The following STAU2 variants were observed in gnomAD, a reference collection of about 807,000 sequenced individuals.
STAU2 encodes the protein staufen double-stranded RNA binding protein 2.
STAU2 carries 20 observed loss-of-function variants against 65.9 expected under a neutral mutation model. That is an observed-to-expected ratio of 0.30 (90% CI 0.21 to 0.44). The LOEUF is 0.44. Among genes scored for constraint, STAU2 ranks in the 20% least tolerant of loss-of-function variants. The probability of loss-of-function intolerance (pLI) is 1.00; values close to 1 mark genes in which losing one functional copy is unlikely to be tolerated. For missense variants in STAU2, 558 were observed against 683.9 expected, an observed-to-expected ratio of 0.82 and a Z score of 2.05; for synonymous variants, 232 against 233.9, an observed-to-expected ratio of 0.99 and a Z score of 0.07.
At chr8:73,513,770 CATA>C (rs1350636448) in intron 13 of STAU2, among the ~76,000 whole-genome samples, 1 of 152,102 alleles carries the variant, frequency 6.6e-6, no homozygotes, top group East Asian at 1.9e-4. Flanking sequence ...TACTGTTACT[CATA>C]ATGTTGGTGG....
chr8:73,675,898 G>A (rs141804436), intron 5 of STAU2, among the ~76,000 whole-genome samples: 5 of 152,242 alleles, frequency 3.3e-5, no homozygotes, highest in South Asian at 2.1e-4. Flanking sequence ...AACGGTGTCC[G>A]TGTCCTTAAG....
chr8:73,603,922 C>A (rs1218358520), intron 9 of STAU2, 59 bp from the exon 10 acceptor site: 31 of 1,520,322 alleles, frequency 2.0e-5, no homozygotes, highest in Non-Finnish European at 2.6e-5. Flanking sequence ...TTATTGAATC[C>A]TTAAAGAAAC....
intron 13 of STAU2, among the ~76,000 whole-genome samples, chr8:73,468,912 C>A (rs1444573870): frequency 2.0e-5 from 3 of 151,240 alleles, no homozygotes; most frequent in Non-Finnish European, 4.4e-5. Context: ...CCTCAGGGAT[C>A]TAGAACTAGA....
chr8:73,667,661 G>A (rs980185357), intron 6 of STAU2, among the ~76,000 whole-genome samples: 7 of 151,954 alleles, frequency 4.6e-5, no homozygotes, highest in African/African-American at 4.8e-5. Context: ...CTGTTCTTTC[G>A]TTTTCCTCTT....
In STAU2 at chr8:73,469,457, A is replaced by T. The variant is rs375009889; in HGVS notation, c.1531-46755T>A. Among the ~76,000 whole-genome samples, 23 of 130,550 alleles carry T rather than the reference A, an allele frequency of 1.8e-4. No homozygotes were observed. The East Asian group carries it at 1.9e-3, about 11-fold the overall frequency. 85.6% of individuals were successfully genotyped at this position (130,550 alleles called of 152,430 possible). On this transcript the variant is annotated intron_variant, in intron 13 of 14. Transcript: ENST00000524300. ...TACCCTAGAACTTAAAGTATAATAA[A>T]ATATATATATATATTTAAAAAAAAA...
intron 6 of STAU2, among the ~76,000 whole-genome samples, chr8:73,661,762 T>C (rs561221100): frequency 6.6e-6 from 1 of 152,344 alleles, no homozygotes; most frequent in African/African-American, 2.4e-5. Context: ...TGCATATCAT[T>C]GGATGAATCA....
intron 6 of STAU2, among the ~76,000 whole-genome samples, chr8:73,667,565 G>A (rs1031121384): frequency 2.6e-5 from 4 of 152,102 alleles, no homozygotes; most frequent in African/African-American, 9.7e-5. Flanking sequence ...ATCCCTCCTG[G>A]AAGGCTTCTT....
intron 12 of STAU2, among the ~76,000 whole-genome samples, chr8:73,580,183 C>T (rs1404925925): frequency 6.6e-6 from 1 of 152,024 alleles, no homozygotes; most frequent in African/African-American, 2.4e-5. Context: ...TAGAGTTTAA[C>T]AAAACATAAC....
At position 73,624,017 on chromosome 8, in the gene STAU2, GA is replaced by G. The variant is rs1308273662; in HGVS notation, c.411-6567del. Among the ~76,000 whole-genome samples the G allele has an allele frequency of 2.0e-5, 3 of 152,168 alleles. No homozygotes were observed. In the East Asian group the frequency reaches 5.8e-4, roughly 29 times the overall value. ...GTAAGTATGTTTTAAATGCCTAGAG[GA>G]AATATAGAAAGATATGCACTAAAAG... On this transcript the variant is annotated intron_variant, in intron 6 of 14. Transcript: ENST00000524300.
At position 73,625,799 on chromosome 8, in the gene STAU2, G is replaced by T. The variant is rs115198991; in HGVS notation, c.411-8348C>A. Among the ~76,000 whole-genome samples, 1,225 of 151,952 alleles carry T rather than the reference G, an allele frequency of 8.1e-3. 23 individuals are homozygous for T. Among genetic ancestry groups the T allele is most frequent in the African/African-American group, 0.028 (1,143 of 41,410 alleles). ...CTCACTGACAAGACAGTTTTTGTAG[G>T]TGATCTCACCTACTCTCATTCACAT... On this transcript the variant is annotated intron_variant, in intron 6 of 14. Coordinates refer to ENST00000524300, the MANE Select transcript of STAU2 (RefSeq NM_001164380.2).
chr8:73,449,694 C>A (rs1818688457), intron 13 of STAU2, among the ~76,000 whole-genome samples: 1 of 152,224 alleles, frequency 6.6e-6, no homozygotes, highest in South Asian at 2.1e-4. Flanking sequence ...AAGAGGCCTG[C>A]AGGACAGATT....
chr8:73,562,309 G>T (rs1309538388), intron 12 of STAU2, among the ~76,000 whole-genome samples: 2 of 152,000 alleles, frequency 1.3e-5, no homozygotes, highest in African/African-American at 4.8e-5. Context: ...TATACAGCAA[G>T]GTGCTGTCTC....
chr8:73,502,124 A>G (rs1821792940), intron 13 of STAU2, among the ~76,000 whole-genome samples: 1 of 151,962 alleles, frequency 6.6e-6, no homozygotes, highest in Non-Finnish European at 1.5e-5. Flanking sequence ...GCATCCATGA[A>G]GTTACAGTAG....
At chr8:73,642,206 C>T (rs1815037084) in intron 6 of STAU2, among the ~76,000 whole-genome samples, 1 of 152,148 alleles carries the variant, frequency 6.6e-6, no homozygotes, top group African/African-American at 2.4e-5. Context: ...TCTATGCAAA[C>T]ATGGTCAGGT....
intron 13 of STAU2, chr8:73,458,810 C>T (rs977329019): frequency 2.0e-5 from 3 of 152,236 alleles, no homozygotes; most frequent in African/African-American, 7.2e-5. Flanking sequence ...GAAGTTGATG[C>T]TGGTCAGTGG....
At chr8:73,731,248 A>G (rs1806047338) in intron 3 of STAU2, among the ~76,000 whole-genome samples, 1 of 152,150 alleles carries the variant, frequency 6.6e-6, no homozygotes, top group South Asian at 2.1e-4. Context: ...TCACTTGTTC[A>G]TGCTCTCTTG....
intron 3 of STAU2, among the ~76,000 whole-genome samples, chr8:73,723,840 T>C (rs539552165): frequency 1.3e-5 from 2 of 152,374 alleles, no homozygotes; most frequent in South Asian, 4.1e-4. Flanking sequence ...AAGATTCTCA[T>C]AATTATGGGT....
At chr8:73,662,199 G>A (rs1370709162) in intron 6 of STAU2, among the ~76,000 whole-genome samples, 2 of 151,962 alleles carry the variant, frequency 1.3e-5, no homozygotes, top group Non-Finnish European at 2.9e-5. Context: ...TATCTCTATT[G>A]TCTATTCAAA....
chr8:73,506,360 A>G (rs952628588), intron 13 of STAU2, among the ~76,000 whole-genome samples: 2 of 152,142 alleles, frequency 1.3e-5, no homozygotes, highest in Non-Finnish European at 2.9e-5. Context: ...CAGAGACATT[A>G]CAGGTGAGGT....
Sources: gnomAD v4.1 joint callset for allele counts (sites outside exome capture counted in the v4.1 genomes callset) on GRCh38, gnomAD v4.1.1 for gene constraint, MANE v1.5 for transcripts, NCBI Gene and HGNC (gene_info 2026-07-23, HGNC 2026-07-21) for gene names.